The following RANBP2 variants were observed in gnomAD, a reference collection of about 807,000 sequenced individuals.
RANBP2 encodes RAN binding protein 2.
A neutral mutation model predicts 303.6 loss-of-function variants in RANBP2; 57 were observed. The ratio of observed to expected loss-of-function variants is 0.19; its 90% CI spans 0.15 to 0.23. The LOEUF (loss-of-function observed/expected upper bound fraction) is 0.23, where lower values mean the gene tolerates loss of function less well. Ranked by LOEUF, RANBP2 falls within the 10% of genes least tolerant of loss-of-function variation. RANBP2 has a pLI of 1.00. For missense variants in RANBP2, 3,138 were observed against 3,780.8 expected (o/e 0.83, Z 4.46); for synonymous variants, 1,167 against 1,301.5 (o/e 0.90, Z 2.23).
the RANBP2 span, chr2:109,564,290 A>G: frequency 1.5e-6 from 2 of 1,290,928 alleles, no homozygotes; most frequent in South Asian, 5.1e-5. Flanking sequence ...CACATGCCCC[A>G]TCATCCTGGA....
the RANBP2 span, among the ~76,000 whole-genome samples, chr2:109,735,496 C>T: frequency 2.0e-5 from 3 of 149,858 alleles, no homozygotes; most frequent in Non-Finnish European, 4.4e-5. Flanking sequence ...CTCTCTCTCT[C>T]TTTTTCTTTT....
the RANBP2 span, among the ~76,000 whole-genome samples, chr2:109,187,151 C>T: frequency 1.5e-4 from 23 of 152,338 alleles, no homozygotes; most frequent in Middle Eastern, 0.01. Context: ...TCTGTCCCCA[C>T]GGTGCTGACC....
the RANBP2 span, among the ~76,000 whole-genome samples, chr2:109,447,501 T>C: frequency 6.6e-6 from 1 of 152,148 alleles, no homozygotes; most frequent in African/African-American, 2.4e-5. Flanking sequence ...TGGTAGAAAA[T>C]GATTACAGTA....
chr2:109,164,590 A>T, the RANBP2 span, among the ~76,000 whole-genome samples: 2 of 152,072 alleles, frequency 1.3e-5, no homozygotes, highest in Admixed American at 1.3e-4. Flanking sequence ...CTTTTCTAGA[A>T]CTCAGCCAGG....
the RANBP2 span, among the ~76,000 whole-genome samples, chr2:108,840,349 A>C: frequency 6.6e-6 from 1 of 152,174 alleles, no homozygotes; most frequent in African/African-American, 2.4e-5. Flanking sequence ...AGGTTCATAA[A>C]ATGAATTGGG....
the RANBP2 span, among the ~76,000 whole-genome samples, chr2:109,734,080 G>A: frequency 9.9e-5 from 15 of 151,684 alleles, no homozygotes; most frequent in Non-Finnish European, 1.9e-4. Flanking sequence ...TTGGGAGGCT[G>A]AGGCGGGAGA....
chr2:109,045,485 G>T, the RANBP2 span, among the ~76,000 whole-genome samples: 2 of 152,198 alleles, frequency 1.3e-5, no homozygotes, highest in African/African-American at 4.8e-5. Flanking sequence ...CCACAGTGAA[G>T]AGACTGGAGG....
the RANBP2 span, among the ~76,000 whole-genome samples, chr2:108,824,332 G>A: frequency 6.6e-6 from 1 of 151,924 alleles, no homozygotes; most frequent in Non-Finnish European, 1.5e-5. Flanking sequence ...TTTATATCCT[G>A]TAAGTTTTTT....
intron 1 of RANBP2, among the ~76,000 whole-genome samples, chr2:108,727,583 C>T (rs1259097524): frequency 1.4e-5 from 2 of 147,748 alleles, no homozygotes; most frequent in Admixed American, 1.3e-4. Flanking sequence ...ATGGATGGAA[C>T]ATACTCTGGT....
chr2:109,582,452 T>C, the RANBP2 span, among the ~76,000 whole-genome samples: 1 of 152,122 alleles, frequency 6.6e-6, no homozygotes, highest in East Asian at 1.9e-4. Flanking sequence ...CCCGAGTAGC[T>C]GGCAGTATAG....
At chr2:108,773,346 G>A (rs759166101) in intron 23 of RANBP2, among the ~76,000 whole-genome samples, 6 of 151,314 alleles carry the variant, frequency 4.0e-5, no homozygotes, top group Admixed American at 1.3e-4. Context: ...CTCGAACTCC[G>A]GACCTCAGGT....
At chr2:108,728,088 C>G (rs1694872658) in intron 1 of RANBP2, among the ~76,000 whole-genome samples, 2 of 152,118 alleles carry the variant, frequency 1.3e-5, no homozygotes. Context: ...CTTAATAGAT[C>G]CTAAGTACTT....
the RANBP2 span, among the ~76,000 whole-genome samples, chr2:109,026,880 C>T: frequency 6.6e-6 from 1 of 152,032 alleles, no homozygotes; most frequent in African/African-American, 2.4e-5. Context: ...TGGTGAAACC[C>T]CGTCTCTACT....
At chr2:109,267,298 TG>T in the RANBP2 span, among the ~76,000 whole-genome samples, 1 of 152,082 alleles carries the variant, frequency 6.6e-6, no homozygotes, top group Non-Finnish European at 1.5e-5. Flanking sequence ...AGGTCATGGC[TG>T]GTGAAAGGGC....
At chr2:109,156,753 G>GT in the RANBP2 span, among the ~76,000 whole-genome samples, 1,014 of 152,200 alleles carry the variant, frequency 6.7e-3, 11 homozygotes, top group African/African-American at 0.023. Flanking sequence ...TGAATTTTAA[G>GT]TTTTTTAAAA....
chr2:109,574,443 TAAAAAAAA>T, the RANBP2 span: 3 of 271,402 alleles, frequency 1.1e-5, no homozygotes, highest in East Asian at 6.4e-5. Context: ...ACTTTATCTC[TAAAAAAAA>T]AAAAAAAAAA....
chr2:109,327,313 G>A, the RANBP2 span, among the ~76,000 whole-genome samples: 532 of 152,224 alleles, frequency 3.5e-3, 5 homozygotes, highest in African/African-American at 0.012. Flanking sequence ...TTTCCCTGCC[G>A]CTGGTAAATC....
At chr2:108,913,983 G>A in the RANBP2 span, among the ~76,000 whole-genome samples, 3 of 150,826 alleles carry the variant, frequency 2.0e-5, no homozygotes, top group East Asian at 2.0e-4. Flanking sequence ...AAAAGGGGCC[G>A]GGCGCGGTAG....
the RANBP2 span, among the ~76,000 whole-genome samples, chr2:109,426,545 G>C: frequency 1.3e-5 from 2 of 152,212 alleles, no homozygotes. Context: ...AACAGATGAG[G>C]AGTTGCTCCT....
Sources: allele counts gnomAD v4.1 joint callset (sites outside exome capture counted in the v4.1 genomes callset), GRCh38; gene constraint gnomAD v4.1.1; transcripts MANE v1.5; gene names NCBI Gene and HGNC (gene_info 2026-07-23, HGNC 2026-07-21).